Variants in ELP4 observed in about 807,000 individuals in gnomAD.
The protein encoded by ELP4 is elongator complex protein 4.
A neutral mutation model predicts 48.9 loss-of-function variants in ELP4; 51 were observed. That is an observed-to-expected ratio of 1.04 (90% CI 0.83 to 1.32). The LOEUF is 1.32. ELP4 is among the 40% of genes most tolerant of loss of function. The pLI, the probability that ELP4 is intolerant of heterozygous loss-of-function variation, is 0.00. For synonymous variants in ELP4, 210 were observed against 189.2 expected, an observed-to-expected ratio of 1.11 and a Z score of -0.90; for missense variants, 519 against 514.6, an observed-to-expected ratio of 1.01 and a Z score of -0.08.
chr11:31,577,161 A>T (rs951002201), intron 3 of ELP4, among the ~76,000 whole-genome samples: 2 of 152,220 alleles, frequency 1.3e-5, no homozygotes, highest in African/African-American at 4.8e-5. Flanking sequence ...AAACACCTCT[A>T]CGCAAATAAA....
At chr11:31,536,702 A>G (rs374660929) in intron 2 of ELP4, among the ~76,000 whole-genome samples, 13 of 152,324 alleles carry the variant, frequency 8.5e-5, no homozygotes, top group East Asian at 3.9e-4. Flanking sequence ...GCAACTAACA[A>G]TGTTGGAGCA....
In ELP4 at chr11:31,632,343, C is replaced by T. The variant is rs768750746; in HGVS notation, c.865C>T (p.Arg289Cys). Residue 289 changes from arginine (R) to cysteine (C), a missense_variant, in exon 7 of 10, where the codon CGT (arginine) becomes TGT (cysteine). Transcript: ENST00000640961. ...HSLTKFLYVL[R>C]GLLRTSLSAC... Reference sequence around the variant, plus strand: ...CCTTACCAAGTTCCTCTATGTTCTCCGTGGTCTTCTGAGAACCTCTCTTTC... The same window carrying T: ...CCTTACCAAGTTCCTCTATGTTCTCTGTGGTCTTCTGAGAACCTCTCTTTC... 40 of 1,613,104 alleles carry T rather than the reference C, an allele frequency of 2.5e-5. No homozygotes were observed. Among genetic ancestry groups the T allele is most frequent in the African/African-American group, 6.7e-5 (5 of 74,818 alleles).
intron 3 of ELP4, among the ~76,000 whole-genome samples, chr11:31,571,952 T>G (rs547890982): frequency 3.0e-4 from 46 of 152,302 alleles, no homozygotes; most frequent in African/African-American, 1.1e-3. Context: ...TTAAGGGCCC[T>G]AGGATTTTGG....
chr11:31,567,927 G>A (rs1957138459), intron 3 of ELP4, among the ~76,000 whole-genome samples: 1 of 152,132 alleles, frequency 6.6e-6, no homozygotes, highest in Non-Finnish European at 1.5e-5. Flanking sequence ...GGTGACTGTG[G>A]TAATTTCTGA....
intron 9 of ELP4, among the ~76,000 whole-genome samples, chr11:31,772,583 C>G (rs912502000): frequency 6.6e-6 from 1 of 152,196 alleles, no homozygotes; most frequent in Non-Finnish European, 1.5e-5. Context: ...TAGAAAAGTT[C>G]TGGCACACAG....
intron 9 of ELP4, chr11:31,682,100 A>G: frequency 8.0e-7 from 1 of 1,251,602 alleles, no homozygotes. Context: ...ATGTTGATTT[A>G]GTGCTTCTGT....
intron 9 of ELP4, among the ~76,000 whole-genome samples, chr11:31,743,733 G>T (rs1482403438): frequency 1.3e-5 from 2 of 151,838 alleles, no homozygotes; most frequent in African/African-American, 4.8e-5. Context: ...GAATCTCTGG[G>T]ACACATTCAA....
chr11:31,585,720 C>T (rs923189076), intron 3 of ELP4, among the ~76,000 whole-genome samples: 4 of 152,152 alleles, frequency 2.6e-5, no homozygotes, highest in Non-Finnish European at 5.9e-5. Flanking sequence ...TACAAGTTGA[C>T]TTAACATCAT....
At chr11:31,760,479 T>G (rs564847421) in intron 9 of ELP4, among the ~76,000 whole-genome samples, 2 of 152,374 alleles carry the variant, frequency 1.3e-5, no homozygotes, top group South Asian at 2.1e-4. Context: ...GTTCTTTTCC[T>G]TAAGTAGAAA....
intron 7 of ELP4, among the ~76,000 whole-genome samples, chr11:31,643,609 T>G (rs1168003244): frequency 1.3e-5 from 2 of 151,834 alleles, no homozygotes; most frequent in Non-Finnish European, 2.9e-5. Flanking sequence ...TGTAGGAGCT[T>G]TAAATGGCAG....
At chr11:31,558,640 A>C (rs1956966388) in intron 3 of ELP4, among the ~76,000 whole-genome samples, 2 of 152,186 alleles carry the variant, frequency 1.3e-5, no homozygotes. Flanking sequence ...TAAGTCACTT[A>C]GCCTTTTATA....
chr11:31,755,812 A>G (rs908507423), intron 9 of ELP4, among the ~76,000 whole-genome samples: 21 of 152,044 alleles, frequency 1.4e-4, no homozygotes, highest in African/African-American at 4.1e-4. Flanking sequence ...TTACTTATCA[A>G]ATTGGTATGT....
At chr11:31,711,902 A>T (rs1288122619) in intron 9 of ELP4, among the ~76,000 whole-genome samples, 2 of 152,152 alleles carry the variant, frequency 1.3e-5, no homozygotes, top group Non-Finnish European at 2.9e-5. Context: ...AAGTATCAAT[A>T]ACCTAAAGAT....
intron 4 of ELP4, 85 bp downstream of exon 4, chr11:31,594,986 G>T: frequency 9.1e-7 from 1 of 1,098,328 alleles, no homozygotes. Flanking sequence ...GCCTATATGT[G>T]TATTTGTTTA....
chr11:31,569,037 A>T (rs895163631), intron 3 of ELP4, among the ~76,000 whole-genome samples: 5 of 151,924 alleles, frequency 3.3e-5, no homozygotes, highest in African/African-American at 1.2e-4. Context: ...GTGAGCCGAG[A>T]TCGTGCCACT....
At chr11:31,582,031 G>A (rs1454909829) in intron 3 of ELP4, among the ~76,000 whole-genome samples, 2 of 152,268 alleles carry the variant, frequency 1.3e-5, no homozygotes, top group East Asian at 3.9e-4. Flanking sequence ...TGGGATTACA[G>A]GTGTGAGCCA....
chr11:31,544,258 G>T (rs1956650054), intron 3 of ELP4, among the ~76,000 whole-genome samples: 1 of 152,260 alleles, frequency 6.6e-6, no homozygotes, highest in African/African-American at 2.4e-5. Flanking sequence ...AAAGAAAGGG[G>T]TGACAGACGG....
intron 9 of ELP4, among the ~76,000 whole-genome samples, chr11:31,669,916 A>G (rs1565104234): frequency 6.6e-6 from 1 of 152,136 alleles, no homozygotes; most frequent in African/African-American, 2.4e-5. Flanking sequence ...TGCTTGGGAT[A>G]TGCCTCCATA....
chr11:31,652,499 T>A (rs899278779), intron 9 of ELP4: 3 of 151,712 alleles, frequency 2.0e-5, no homozygotes, highest in African/African-American at 7.2e-5. Context: ...AGAAATGCCC[T>A]GAAAGTAACT....
Sources: allele counts gnomAD v4.1 joint callset (sites outside exome capture counted in the v4.1 genomes callset), GRCh38; gene constraint gnomAD v4.1.1; transcripts MANE v1.5; gene names NCBI Gene and HGNC (gene_info 2026-07-23, HGNC 2026-07-21).